Variants in CNTN4 observed in about 807,000 individuals in gnomAD.
The protein encoded by CNTN4 is contactin 4.
A neutral mutation model predicts 122.5 loss-of-function variants in CNTN4; 77 were observed. That is an observed-to-expected ratio of 0.63 (90% confidence interval 0.52 to 0.76). The LOEUF is 0.76. Ranked by LOEUF, CNTN4 falls within the 30% of genes least tolerant of loss-of-function variation. CNTN4 has a pLI of 0.00. For synonymous variants in CNTN4, 512 were observed against 447.0 expected, an observed-to-expected ratio of 1.15 and a Z score of -1.83; for missense variants, 1,256 against 1,259.1, an observed-to-expected ratio of 1.00 and a Z score of 0.04.
At position 2,729,170 on chromosome 3, in the gene CNTN4, C is replaced by T. The variant is rs566096524; in HGVS notation, c.56-7045C>T. ...GGGTGCTGTTCTAAGGGTCATGCGG[C>T]GAAATGTGGCCTTCATCCCACGGAG... is the stretch of plus-strand genomic sequence containing the variant. On this transcript the variant is annotated intron_variant, in intron 4 of 24. Transcript: ENST00000418658. Among the ~76,000 whole-genome samples, 7 of 152,246 alleles carry T rather than the reference C, an allele frequency of 4.6e-5. No homozygotes were observed. In the East Asian group the frequency reaches 1.2e-3, roughly 25 times the overall value.
At chr3:2,691,995 G>A (rs1357819439) in intron 4 of CNTN4, among the ~76,000 whole-genome samples, 2 of 152,134 alleles carry the variant, frequency 1.3e-5, no homozygotes, top group Non-Finnish European at 2.9e-5. Context: ...GAGTATGCAG[G>A]TGTGATGAAT....
At chr3:3,009,047 A>C in intron 14 of CNTN4, 1 of 985,360 alleles carries the variant, frequency 1.0e-6, no homozygotes, top group Non-Finnish European at 1.2e-6. Context: ...TTATTAGCAC[A>C]GTGAGCAAGT....
chr3:2,567,197 C>T (rs2079206079), intron 3 of CNTN4, among the ~76,000 whole-genome samples: 1 of 151,782 alleles, frequency 6.6e-6, no homozygotes, highest in African/African-American at 2.4e-5. Flanking sequence ...AGCCATTCTC[C>T]TGCCTCAGCC....
Position 3,006,035 on chromosome 3 carries a change from A to G in CNTN4, c.1486+17563A>G, listed in dbSNP as rs112870894. Among the ~76,000 whole-genome samples the G allele has an allele frequency of 7.7e-3, 1,150 of 150,130 alleles. 11 individuals carry two copies. The highest frequency in any genetic ancestry group is 9.6e-3 in the Non-Finnish European group (651 of 67,538). On this transcript the variant is annotated intron_variant, in intron 14 of 24. Transcript: ENST00000418658. The stretch of plus-strand genomic sequence containing the variant: ...CAAGTAGCTGGGACTACAGGCGCCC[A>G]CCCCCACGCTCGGCTAATTTTTTTT...
chr3:2,961,166 C>G lies in CNTN4; in HGVS notation c.1359-27179C>G, dbSNP rs61652765. On this transcript the variant is annotated intron_variant, in intron 13 of 24. Coordinates refer to ENST00000418658, the MANE Select transcript of CNTN4 (RefSeq NM_175607.3). The stretch of plus-strand genomic sequence containing the variant: ...AATGGCGTGAACCCGGGAGGCGGAG[C>G]TTGCAGTGAGCCGAGATTGGACCAC... Among the ~76,000 whole-genome samples, 695 of 131,734 alleles carry G rather than the reference C, an allele frequency of 5.3e-3. 21 individuals carry two copies. Among genetic ancestry groups the G allele is most frequent in the African/African-American group, 0.018 (660 of 35,856 alleles). The allele number at this position is 131,734 out of a possible 152,430, so 86.4% of individuals were successfully genotyped here.
At chr3:2,834,129 G>A (rs2093163728) in intron 7 of CNTN4, among the ~76,000 whole-genome samples, 2 of 152,022 alleles carry the variant, frequency 1.3e-5, no homozygotes, top group South Asian at 4.1e-4. Flanking sequence ...GGGCAACAGA[G>A]CAAGACTTCG....
chr3:2,884,386 C>A (rs1006822575), intron 9 of CNTN4, among the ~76,000 whole-genome samples: 1 of 152,042 alleles, frequency 6.6e-6, no homozygotes, highest in Non-Finnish European at 1.5e-5. Context: ...GTTTTCAAGT[C>A]GTGACAAATA....
rs542890403 is a variant in CNTN4, at chr3:2,320,521, AT to A, written c.-144-18656del. The stretch of plus-strand genomic sequence containing the variant: ...GCTATTTGCTATGTATCCCAGGTGG[AT>A]AACTGTTCTTGTAGTTGACCTTCAT... On this transcript the variant is annotated intron_variant, in intron 2 of 24. Transcript: ENST00000418658. 1.0e-3 allele frequency among the ~76,000 whole-genome samples: 159 copies of A among 152,260 alleles called. 1 individual carries two copies. Among genetic ancestry groups the A allele is most frequent in the African/African-American group, 3.8e-3 (156 of 41,576 alleles).
At chr3:2,792,555 G>C (rs1343048965) in intron 6 of CNTN4, among the ~76,000 whole-genome samples, 1 of 152,180 alleles carries the variant, frequency 6.6e-6, no homozygotes, top group Non-Finnish European at 1.5e-5. Context: ...AAGAATGCTA[G>C]AAGCCAATTG....
Position 3,040,247 on chromosome 3 carries a change from A to C in CNTN4, c.2374A>C (p.Thr792Pro). 1 of 1,613,654 alleles carries C rather than the reference A, an allele frequency of 6.2e-7. No individual in the cohort carries two copies. The highest frequency in any genetic ancestry group is 8.5e-7 in the Non-Finnish European group (1 of 1,179,518). The change falls in exon 20 of 25, where the codon ACG (threonine) becomes CCG (proline). Residue 792 changes from threonine to proline, a missense_variant. Transcript: ENST00000418658. Reference protein sequence around the residue: ...NKGEGPFSPTTVVYSAEEEPT... With the variant: ...NKGEGPFSPTPVVYSAEEEPT... ...AGGAGAAGGCCCTTTCAGTCCCACC[A>C]CGGTGGTGTATTCTGCAGAAGAAGG...
intron 4 of CNTN4, among the ~76,000 whole-genome samples, chr3:2,613,298 A>AT (rs775168225): frequency 4.6e-5 from 7 of 152,136 alleles, no homozygotes; most frequent in Non-Finnish European, 7.4e-5. Context: ...CAAAAATGAC[A>AT]TCACATAGCC....
At chr3:3,043,500 G>T in intron 22 of CNTN4, 92 bp from the exon 23 acceptor site, 1 of 935,308 alleles carries the variant, frequency 1.1e-6, no homozygotes, top group Non-Finnish European at 1.7e-6. Context: ...CCATTAAATT[G>T]CCTCCACTCT....
At chr3:2,961,306 C>T (rs900145294) in intron 13 of CNTN4, among the ~76,000 whole-genome samples, 6 of 150,672 alleles carry the variant, frequency 4.0e-5, no homozygotes, top group Non-Finnish European at 8.9e-5. Flanking sequence ...CTCATCACCC[C>T]AGCCAACACC....
rs192468298 is a variant in CNTN4 at position 2,281,532 on chromosome 3, T to C, written c.-144-57646T>C. ...ACTGCTCCTGGCCACTGTTGAGTTA[T>C]TCCTAAAGGAATACAGCAATTTCAG... On this transcript the variant is annotated intron_variant, in intron 2 of 24. Transcript: ENST00000418658. Among the ~76,000 whole-genome samples the C allele has an allele frequency of 1.2e-4, 18 of 152,224 alleles. No homozygotes were observed. The East Asian group carries it at 2.1e-3, about 18-fold the overall frequency.
At chr3:2,959,224 A>G (rs751056) in intron 13 of CNTN4, among the ~76,000 whole-genome samples, 30,800 of 152,154 alleles carry the variant, frequency 0.2, 3,523 homozygotes, top group East Asian at 0.4. Flanking sequence ...ATAGTCCTGC[A>G]AAGTCCTTTT....
intron 2 of CNTN4, among the ~76,000 whole-genome samples, chr3:2,294,221 C>A (rs1175278394): frequency 6.6e-6 from 1 of 151,106 alleles, no homozygotes; most frequent in Non-Finnish European, 1.5e-5. Context: ...ACCTGAGAAA[C>A]AGACAAAACC....
intron 2 of CNTN4, among the ~76,000 whole-genome samples, chr3:2,200,133 G>A (rs1202100598): frequency 1.3e-5 from 2 of 152,116 alleles, no homozygotes; most frequent in Non-Finnish European, 2.9e-5. Context: ...AGATGGTAGG[G>A]ATCCTCCGTA....
chr3:2,932,120 G>C (rs942861552), intron 13 of CNTN4, among the ~76,000 whole-genome samples: 1 of 152,146 alleles, frequency 6.6e-6, no homozygotes. Context: ...GCTCACGCCT[G>C]TCATCCCAGC....
intron 2 of CNTN4, among the ~76,000 whole-genome samples, chr3:2,335,615 A>G (rs920647513): frequency 1.3e-5 from 2 of 149,878 alleles, no homozygotes; most frequent in African/African-American, 4.9e-5. Flanking sequence ...CCTTCTTTCA[A>G]GGTATGAAAT....
Sources: gnomAD v4.1 joint callset for allele counts (sites outside exome capture counted in the v4.1 genomes callset) on GRCh38, gnomAD v4.1.1 for gene constraint, MANE v1.5 for transcripts, NCBI Gene and HGNC (gene_info 2026-07-23, HGNC 2026-07-21) for gene names.